ABCA8: variants seen among roughly 807,000 people sequenced by gnomAD.
The protein encoded by ABCA8 is ABC-type organic anion transporter ABCA8.
Under a neutral mutation model 192.3 loss-of-function variants are expected in ABCA8, and 177 were observed. The ratio of observed to expected loss-of-function variants is 0.92; its 90% CI spans 0.81 to 1.04. ABCA8 has a LOEUF of 1.04. Ranked by LOEUF, ABCA8 falls within the 50% of genes least tolerant of loss-of-function variation. The pLI is 0.00. For missense variants in ABCA8, 1,915 were observed against 1,904.8 expected, an observed-to-expected ratio of 1.01 and a Z score of -0.10; for synonymous variants, 642 against 690.2, an observed-to-expected ratio of 0.93 and a Z score of 1.09.
chr17:68,919,745 T>C (rs1032810166), intron 13 of ABCA8: 4 of 236,260 alleles, frequency 1.7e-5, no homozygotes, highest in Non-Finnish European at 1.6e-5. Flanking sequence ...CAGAGTCTGA[T>C]GAAGAGCTTC....
chr17:68,909,665 C>A (rs1338276539), intron 17 of ABCA8, among the ~76,000 whole-genome samples: 1 of 151,728 alleles, frequency 6.6e-6, no homozygotes, highest in African/African-American at 2.4e-5. Flanking sequence ...AATTAATTTC[C>A]AAGAAGAGAT....
At chr17:68,912,092 AC>A (rs1567853810) in intron 17 of ABCA8, among the ~76,000 whole-genome samples, 1 of 152,146 alleles carries the variant, frequency 6.6e-6, no homozygotes, top group Non-Finnish European at 1.5e-5. Flanking sequence ...ATCCAAAAAA[AC>A]ATGACCTCAC....
At chr17:68,893,675 G>C (rs1431370490) in intron 23 of ABCA8, among the ~76,000 whole-genome samples, 1 of 143,078 alleles carries the variant, frequency 7.0e-6, no homozygotes, top group African/African-American at 2.6e-5. Context: ...CTATTCTTGT[G>C]CTGGTCACAG....
At chr17:68,928,830 T>C (rs1350963901) in intron 9 of ABCA8, among the ~76,000 whole-genome samples, 1 of 152,232 alleles carries the variant, frequency 6.6e-6, no homozygotes, top group Non-Finnish European at 1.5e-5. Context: ...CTTTAAATAA[T>C]TGTATGTTGA....
chr17:68,934,633 G>C (rs2068002976), intron 5 of ABCA8, among the ~76,000 whole-genome samples: 1 of 152,190 alleles, frequency 6.6e-6, no homozygotes, highest in Non-Finnish European at 1.5e-5. Context: ...TCTGGAAGAA[G>C]AGGAGAATAG....
At chr17:68,883,506 A>G (rs984321488) in intron 29 of ABCA8, among the ~76,000 whole-genome samples, 3 of 152,054 alleles carry the variant, frequency 2.0e-5, no homozygotes, top group Admixed American at 2.0e-4. Context: ...CTGGCAATAT[A>G]TTGTTTGTTA....
chr17:68,892,937 G>T lies in ABCA8; in HGVS notation c.3036+1236C>A, dbSNP rs200556026. Among the ~76,000 whole-genome samples the T allele has an allele frequency of 1.1e-4, 16 of 152,238 alleles. No homozygotes were observed. The East Asian group carries it at 3.1e-3, about 29-fold the overall frequency. ...ACATCGGAAGATCTCTTGAGCCCAG[G>T]AGTTCGAGGTTACAGTGAGCTATGA... On this transcript the variant is annotated intron_variant, in intron 23 of 39. Transcript: ENST00000586539.
At chr17:68,901,579 G>A (rs1362790550) in intron 21 of ABCA8, among the ~76,000 whole-genome samples, 6 of 152,088 alleles carry the variant, frequency 3.9e-5, no homozygotes, top group African/African-American at 4.8e-5. Flanking sequence ...AGGCTGAGGC[G>A]GGCGGATCAC....
Position 68,883,882 on chromosome 17 carries a change from G to C in ABCA8, c.3616C>G (p.Pro1206Ala). The change falls in exon 29 of 40, where the codon CCT (proline) becomes GCT (alanine). Residue 1206 changes from proline (P) to alanine (A), a missense_variant and splice_region_variant. By Grantham distance (27) the Pro-to-Ala change is conservative. Coordinates refer to ENST00000586539, the MANE Select transcript of ABCA8 (RefSeq NM_001288985.2). Reference protein sequence around the residue: ...DVQPFLVFLIPFLHFIIFLFT... With the variant: ...DVQPFLVFLIAFLHFIIFLFT... ...AGAAAAATGATAAAATGAAGGAAAG[G>C]CTAGGAATAAAGAGAGATGCACAAT... 1 of 1,556,130 alleles carries C rather than the reference G, an allele frequency of 6.4e-7. No homozygotes were observed. Among genetic ancestry groups the C allele is most frequent in the South Asian group, 1.2e-5 (1 of 84,592 alleles).
intron 3 of ABCA8, 62 bp from the exon 4 acceptor site, chr17:68,941,024 T>C: frequency 3.7e-6 from 5 of 1,343,976 alleles, no homozygotes; most frequent in Non-Finnish European, 5.2e-6. Context: ...TCCACAATCA[T>C]TTTGTCATAA....
intron 21 of ABCA8, among the ~76,000 whole-genome samples, chr17:68,897,851 G>A (rs2066805588): frequency 6.6e-6 from 1 of 152,126 alleles, no homozygotes; most frequent in Non-Finnish European, 1.5e-5. Context: ...TCAGAAAAAT[G>A]TGGGACATTA....
intron 7 of ABCA8, among the ~76,000 whole-genome samples, chr17:68,929,975 G>T (rs1346652116): frequency 6.6e-6 from 1 of 151,312 alleles, no homozygotes; most frequent in Non-Finnish European, 1.5e-5. Context: ...TTGTTCTGGG[G>T]GGTGGGGGCG....
At chr17:68,929,284 T>TATA in intron 8 of ABCA8, 50 bp from the exon 9 acceptor site, 1 of 1,393,732 alleles carries the variant, frequency 7.2e-7, no homozygotes, top group South Asian at 1.7e-5. Context: ...ACATTATTAC[T>TATA]AGCATAATAA....
intron 37 of ABCA8, among the ~76,000 whole-genome samples, chr17:68,873,413 C>T (rs1598177361): frequency 6.6e-6 from 1 of 152,282 alleles, no homozygotes; most frequent in East Asian, 1.9e-4. Flanking sequence ...GAAAGTATCC[C>T]TATTGTTCAG....
intron 17 of ABCA8, among the ~76,000 whole-genome samples, chr17:68,909,876 C>G (rs1279924510): frequency 2.0e-5 from 3 of 151,984 alleles, no homozygotes; most frequent in African/African-American, 7.3e-5. Context: ...TATAAATTTA[C>G]AAAAACGACC....
In ABCA8 at chr17:68,935,570, T is replaced by TATATATATA. The variant is rs1389554406; in HGVS notation, c.466+1380_466+1381insTATATATAT. Among the ~76,000 whole-genome samples, 15 of 48,408 alleles carry TATATATATA rather than the reference T, an allele frequency of 3.1e-4. 1 individual carries two copies. The highest frequency in any genetic ancestry group is 0.014 in the Middle Eastern group (1 of 74). The allele number at this position is 48,408 out of a possible 152,430, so 31.8% of individuals were successfully genotyped here. Reference sequence around the variant, plus strand: ...TATATATATATATATATATATATATTATCTTCTTTATCCAGCCCTCTGTTG... The same window carrying TATATATATA: ...TATATATATATATATATATATATATTATATATATAATCTTCTTTATCCAGCCCTCTGTTG... On this transcript the variant is annotated intron_variant, in intron 5 of 39. Transcript: ENST00000586539.
chr17:68,918,460 T>G lies in ABCA8; in HGVS notation c.1875A>C (p.Leu625=), dbSNP rs780906197. The change falls in exon 15 of 40, where the codon CTA becomes CTC. Residue 625 remains leucine (L), a synonymous_variant. Transcript: ENST00000586539. The part of the protein sequence containing the change: ...QNLSGGQKRK[L]TFGIAILGDP... ...CTCCTAAAATGGCAATCCCAAAGGT[T>G]AGCTTTCTTTTCTGTCCACCACTTA... 1.1e-5 allele frequency: 18 copies of G among 1,569,776 alleles called. No homozygotes were observed. Among genetic ancestry groups the G allele is most frequent in the African/African-American group, 2.7e-5 (2 of 74,004 alleles).
chr17:68,929,470 GAAA>G, intron 8 of ABCA8, 88 bp downstream of exon 8: 1 of 1,384,440 alleles, frequency 7.2e-7, no homozygotes, highest in East Asian at 2.3e-5. Context: ...AGAGTAGGTA[GAAA>G]AAAAAGGAGG....
At chr17:68,920,832 C>A (rs1046588831) in intron 13 of ABCA8, among the ~76,000 whole-genome samples, 1 of 151,978 alleles carries the variant, frequency 6.6e-6, no homozygotes, top group African/African-American at 2.4e-5. Context: ...CCATTTGACC[C>A]AGCCATCCCA....
Sources: allele counts gnomAD v4.1 joint callset (sites outside exome capture counted in the v4.1 genomes callset), GRCh38; gene constraint gnomAD v4.1.1; transcripts MANE v1.5; gene names NCBI Gene and HGNC (gene_info 2026-07-23, HGNC 2026-07-21).